ARHGAP42: variants seen among roughly 807,000 people sequenced by gnomAD.
The protein encoded by ARHGAP42 is Rho GTPase activating protein 42, also known as rho GTPase-activating protein 42.
A neutral mutation model predicts 125.0 loss-of-function variants in ARHGAP42; 63 were observed. The observed-to-expected ratio is 0.50, with a 90% confidence interval of 0.41 to 0.62. ARHGAP42 has a LOEUF of 0.62. Ranked by LOEUF, ARHGAP42 falls within the 20% of genes least tolerant of loss-of-function variation. The pLI is 0.00. For synonymous variants in ARHGAP42, 339 were observed against 351.0 expected (o/e 0.97, Z 0.38); for missense variants, 766 against 1,024.2 (o/e 0.75, Z 3.44).
chr11:100,859,495 T>G, intron 3 of ARHGAP42, 59 bp from the exon 4 acceptor site: 1 of 1,421,862 alleles, frequency 7.0e-7, no homozygotes, highest in African/African-American at 1.5e-5. Context: ...TAGCCATTTT[T>G]TCAATGTTGT....
At chr11:100,936,442 C>T (rs117319530) in intron 8 of ARHGAP42, 110 bp downstream of exon 8, 3 of 1,385,254 alleles carry the variant, frequency 2.2e-6, no homozygotes, top group East Asian at 2.5e-5. Context: ...TTTCTTATAG[C>T]TTTATATCTA....
chr11:100,952,314 A>C (rs1011273230), intron 12 of ARHGAP42, among the ~76,000 whole-genome samples: 1 of 152,128 alleles, frequency 6.6e-6, no homozygotes, highest in African/African-American at 2.4e-5. Context: ...TATTCTCTCA[A>C]AGTCACCCTA....
intron 6 of ARHGAP42, among the ~76,000 whole-genome samples, chr11:100,927,888 T>C (rs1350728787): frequency 1.3e-5 from 2 of 152,214 alleles, no homozygotes; most frequent in Non-Finnish European, 2.9e-5. Flanking sequence ...ATTTTAAAAG[T>C]AGTCTTTTCC....
At chr11:100,910,383 A>C (rs1481922794) in intron 4 of ARHGAP42, among the ~76,000 whole-genome samples, 1 of 152,052 alleles carries the variant, frequency 6.6e-6, no homozygotes, top group Non-Finnish European at 1.5e-5. Context: ...TTTTATTGTG[A>C]TTTTATTTTA....
chr11:100,971,520 C>A (rs1465871702), intron 17 of ARHGAP42, among the ~76,000 whole-genome samples: 1 of 152,068 alleles, frequency 6.6e-6, no homozygotes, highest in Non-Finnish European at 1.5e-5. Context: ...GAGTCTGTAT[C>A]TATTGAGTAG....
In ARHGAP42 at chr11:100,801,213, A is replaced by C. The variant is rs1335359169; in HGVS notation, c.312+6047A>C. ...GAGAGATTTTGTACAAAGATGTGTC[A>C]AAGAACTTGTATTTAAAAAATTAGT... On this transcript the variant is annotated intron_variant, in intron 3 of 23. Coordinates refer to ENST00000298815, the MANE Select transcript of ARHGAP42 (RefSeq NM_152432.4). 3.3e-5 allele frequency among the ~76,000 whole-genome samples: 5 copies of C among 152,210 alleles called. No individual in the cohort carries two copies. The East Asian group carries it at 9.6e-4, about 29-fold the overall frequency.
chr11:100,754,665 T>C (rs1418088358), intron 1 of ARHGAP42, among the ~76,000 whole-genome samples: 2 of 152,210 alleles, frequency 1.3e-5, no homozygotes, highest in East Asian at 3.8e-4. Flanking sequence ...ATGCTTTAGT[T>C]CCAGTATAAT....
At chr11:100,780,104 T>C (rs935434539) in intron 2 of ARHGAP42, among the ~76,000 whole-genome samples, 5 of 152,138 alleles carry the variant, frequency 3.3e-5, no homozygotes, top group Non-Finnish European at 5.9e-5. Context: ...AAAAATTTAT[T>C]CTCTTTTTGC....
chr11:100,705,025 AAAAAAAAAG>A (rs1201482349), intron 1 of ARHGAP42, among the ~76,000 whole-genome samples: 20 of 146,338 alleles, frequency 1.4e-4, no homozygotes, highest in Admixed American at 2.0e-4. Context: ...AAAAAAAAAA[AAAAAAAAAG>A]AGAGAAGAAA....
Position 100,803,456 on chromosome 11 carries a change from A to G in ARHGAP42, c.312+8290A>G, listed in dbSNP as rs181689524. On this transcript the variant is annotated intron_variant, in intron 3 of 23. Transcript: ENST00000298815. ...TAGAGCTCTGAGGTTCATCGAGTCCACAGTTTGATCAGATGTGGTAGAATC... is the reference window on the plus strand; with the variant it reads ...TAGAGCTCTGAGGTTCATCGAGTCCGCAGTTTGATCAGATGTGGTAGAATC... Among the ~76,000 whole-genome samples the G allele has an allele frequency of 4.6e-5, 7 of 152,296 alleles. No homozygotes were observed. The East Asian group carries it at 1.4e-3, about 29-fold the overall frequency.
At chr11:100,774,939 G>A (rs530990594) in intron 2 of ARHGAP42, among the ~76,000 whole-genome samples, 1 of 152,140 alleles carries the variant, frequency 6.6e-6, no homozygotes, top group Non-Finnish European at 1.5e-5. Flanking sequence ...AATGGGATTC[G>A]TTGTTCGAGA....
chr11:100,836,268 A>T (rs1004202373), intron 3 of ARHGAP42, among the ~76,000 whole-genome samples: 1 of 152,120 alleles, frequency 6.6e-6, no homozygotes, highest in African/African-American at 2.4e-5. Context: ...TTCTATGTGA[A>T]TGGAATTTTC....
At chr11:100,791,024 A>C (rs1445715303) in intron 2 of ARHGAP42, among the ~76,000 whole-genome samples, 1 of 152,202 alleles carries the variant, frequency 6.6e-6, no homozygotes, top group Non-Finnish European at 1.5e-5. Flanking sequence ...CATTCACACA[A>C]ACTCAATAAC....
chr11:100,753,428 C>T lies in ARHGAP42; in HGVS notation c.155-16915C>T, dbSNP rs570587291. Among the ~76,000 whole-genome samples the T allele has an allele frequency of 2.9e-4, 44 of 152,338 alleles. 1 individual carries two copies. The South Asian group carries it at 5.0e-3, about 17-fold the overall frequency. On this transcript the variant is annotated intron_variant, in intron 1 of 23. Transcript: ENST00000298815. ...GAACTGGCTTTCAGGCAATGCCACT[C>T]CTCATCTGCCCACAAAGCTGGGGTG...
rs1858781391 is a variant in ARHGAP42 at position 100,989,690 on chromosome 11, G to C, written c.*889G>C. The C allele has an allele frequency of 6.6e-6, 1 of 152,024 alleles. No homozygotes were observed. The highest frequency in any genetic ancestry group is 1.5e-5 in the Non-Finnish European group (1 of 68,024). The allele number at this position is 152,024 out of a possible 1,614,324, so 9.4% of individuals were successfully genotyped here. On this transcript the variant is annotated 3_prime_UTR_variant, in exon 24 of 24. Transcript: ENST00000298815. ...ATAGAAGAATATTTACCAATGATGGGGAAACTGTAAAACTACAGTATCAAG... is the reference window on the plus strand; with the variant it reads ...ATAGAAGAATATTTACCAATGATGGCGAAACTGTAAAACTACAGTATCAAG...
intron 4 of ARHGAP42, among the ~76,000 whole-genome samples, chr11:100,863,618 A>G (rs944573163): frequency 2.6e-5 from 4 of 152,178 alleles, no homozygotes; most frequent in Non-Finnish European, 4.4e-5. Flanking sequence ...AAGATTAGTA[A>G]TGGGGTTGTT....
At chr11:100,899,002 C>T (rs932769675) in intron 4 of ARHGAP42, among the ~76,000 whole-genome samples, 1 of 152,194 alleles carries the variant, frequency 6.6e-6, no homozygotes, top group Non-Finnish European at 1.5e-5. Context: ...TCCCTCTACA[C>T]ACTGCTTTAA....
chr11:100,893,306 C>G (rs777744944), intron 4 of ARHGAP42, among the ~76,000 whole-genome samples: 1 of 151,774 alleles, frequency 6.6e-6, no homozygotes, highest in Non-Finnish European at 1.5e-5. Flanking sequence ...GATGTTGGAC[C>G]TCATGATATG....
intron 1 of ARHGAP42, among the ~76,000 whole-genome samples, chr11:100,762,692 T>C (rs1862734913): frequency 1.3e-5 from 2 of 152,156 alleles, no homozygotes; most frequent in African/African-American, 4.8e-5. Flanking sequence ...CTGGCAAATT[T>C]TCATTGTGTT....
Sources: gnomAD v4.1 joint callset for allele counts (sites outside exome capture counted in the v4.1 genomes callset) on GRCh38, gnomAD v4.1.1 for gene constraint, MANE v1.5 for transcripts, NCBI Gene and HGNC (gene_info 2026-07-23, HGNC 2026-07-21) for gene names.